CHRNA3: variants seen among roughly 807,000 people sequenced by gnomAD.
CHRNA3 encodes cholinergic receptor nicotinic alpha 3 subunit, also known as neuronal acetylcholine receptor subunit alpha-3.
CHRNA3 carries 34 observed loss-of-function variants against 41.9 expected under a neutral mutation model. The ratio of observed to expected loss-of-function variants is 0.81; its 90% CI spans 0.62 to 1.08. CHRNA3 has a LOEUF of 1.08. Ranked by LOEUF, CHRNA3 falls within the 50% of genes least tolerant of loss-of-function variation. The pLI is 0.00. For missense variants in CHRNA3, 542 were observed against 638.3 expected (o/e 0.85, Z 1.63); for synonymous variants, 281 against 265.2 (o/e 1.06, Z -0.58).
intron 4 of CHRNA3, among the ~76,000 whole-genome samples, chr15:78,610,898 G>A (rs572300760): frequency 5.7e-4 from 86 of 152,212 alleles, no homozygotes; most frequent in East Asian, 1.4e-3. Context: ...TATCACCACC[G>A]ATCCCACAGA....
At chr15:78,616,091 T>TA (rs2053457033) in intron 4 of CHRNA3, among the ~76,000 whole-genome samples, 1 of 188 alleles carries the variant, frequency 5.3e-3, no homozygotes, top group Non-Finnish European at 0.011. Flanking sequence ...TGGTGGCTCA[T>TA]GCTGTAATCC....
intron 5 of CHRNA3, among the ~76,000 whole-genome samples, chr15:78,599,107 T>C (rs12911602): frequency 0.39 from 58,851 of 151,806 alleles, 11,760 homozygotes; most frequent in Non-Finnish European, 0.42. Flanking sequence ...CCCAAAGTGT[T>C]GGGATTACAG....
chr15:78,600,540 TTACTC>T (rs149799431), intron 5 of CHRNA3, among the ~76,000 whole-genome samples: 4,131 of 152,266 alleles, frequency 0.027, 75 homozygotes, highest in Non-Finnish European at 0.043. Context: ...GGTGTGCACT[TTACTC>T]CACGTAAATT....
downstream of CHRNA3, chr15:78,594,179 TCTGTAGCTTAGCTTCCA>T (rs1467407334): frequency 6.6e-6 from 1 of 152,254 alleles, no homozygotes; most frequent in African/African-American, 2.4e-5. Flanking sequence ...GTTAACTATT[TCTGTAGCTTAGCTTCCA>T]CTGTAAAGTC....
chr15:78,602,324 G>A, intron 4 of CHRNA3, 60 bp from the exon 5 acceptor site: 1 of 1,534,296 alleles, frequency 6.5e-7, no homozygotes, highest in Non-Finnish European at 8.8e-7. Context: ...TCATATTGTG[G>A]TCATCTCAAC....
chr15:78,604,410 A>C (rs2053251687), intron 4 of CHRNA3, among the ~76,000 whole-genome samples: 1 of 152,184 alleles, frequency 6.6e-6, no homozygotes, highest in Non-Finnish European at 1.5e-5. Flanking sequence ...GCCATTCAGA[A>C]CTTGGGTCCC....
chr15:78,595,277 TTTGACTTA>T, downstream of CHRNA3: 1 of 984,796 alleles, frequency 1.0e-6, no homozygotes, highest in Non-Finnish European at 1.2e-6. Context: ...ACATCTTTCT[TTTGACTTA>T]TTGAAACATG....
At chr15:78,615,558 C>T (rs2053448437) in intron 4 of CHRNA3, among the ~76,000 whole-genome samples, 2 of 152,118 alleles carry the variant, frequency 1.3e-5, no homozygotes, top group South Asian at 4.1e-4. Context: ...GGTCACACAG[C>T]CCCCAGGACA....
chr15:78,601,073 G>A lies in CHRNA3; in HGVS notation c.1389+180C>T, dbSNP rs550928892. Among the ~76,000 whole-genome samples the A allele has an allele frequency of 3.9e-5, 6 of 152,036 alleles. No individual in the cohort carries two copies. The South Asian group carries it at 1.0e-3, about 26-fold the overall frequency. Reference sequence around the variant, plus strand: ...AGCTTTATCATCCCATTTTACAGAAGAGAAAACAGGCTCAGAGAGGTGAGG... The same window carrying A: ...AGCTTTATCATCCCATTTTACAGAAAAGAAAACAGGCTCAGAGAGGTGAGG... On this transcript the variant is annotated intron_variant, in intron 5 of 5. Transcript: ENST00000326828.
At chr15:78,610,419 A>G (rs1596079583) in intron 4 of CHRNA3, among the ~76,000 whole-genome samples, 1 of 152,152 alleles carries the variant, frequency 6.6e-6, no homozygotes. Context: ...GGATTAAGAA[A>G]CTCACTCAAA....
At chr15:78,607,405 T>C (rs1178703651) in intron 4 of CHRNA3, 1 of 149,528 alleles carries the variant, frequency 6.7e-6, no homozygotes, top group Non-Finnish European at 1.5e-5. Context: ...GAAAACAAAA[T>C]ATCACAGGAG....
chr15:78,596,559 G>C lies in CHRNA3; in HGVS notation c.*45C>G, dbSNP rs2079521796. Reference sequence around the variant, plus strand: ...TCTTACTAGGAAGCAGCCTCCTCCTGCCCTGACACAAGGAAGTCTCCCAGG... The same window carrying C: ...TCTTACTAGGAAGCAGCCTCCTCCTCCCCTGACACAAGGAAGTCTCCCAGG... On this transcript the variant is annotated 3_prime_UTR_variant, in exon 6 of 6. Coordinates refer to ENST00000326828, the MANE Select transcript of CHRNA3 (RefSeq NM_000743.5). 6.9e-7 allele frequency: 1 copy of C among 1,456,066 alleles called. No individual in the cohort carries two copies. Among genetic ancestry groups the C allele is most frequent in the South Asian group, 1.6e-5 (1 of 63,226 alleles). The allele number at this position is 1,456,066 out of a possible 1,614,324, so 90.2% of individuals were successfully genotyped here.
intron 4 of CHRNA3, among the ~76,000 whole-genome samples, chr15:78,611,048 A>G (rs2053372278): frequency 2.0e-5 from 3 of 152,156 alleles, no homozygotes; most frequent in Admixed American, 2.0e-4. Flanking sequence ...GAATAGACCA[A>G]TAACAGGAGC....
Position 78,595,899 on chromosome 15 carries a change from G to T in CHRNA3, c.*705C>A. The T allele has an allele frequency of 5.5e-6, 1 of 181,894 alleles. No individual in the cohort carries two copies. Among genetic ancestry groups the T allele is most frequent in the Non-Finnish European group, 1.0e-5 (1 of 100,490 alleles). 11.3% of individuals were successfully genotyped at this position (181,894 alleles called of 1,614,324 possible). A position where few individuals can be genotyped will look rare whatever the true frequency, so the allele number is the denominator to read the frequency against. ...AGGACACAGCTAGAAGGCACCCTTT[G>T]AGGAAGAGGACCCTCACCAGACACC... On this transcript the variant is annotated 3_prime_UTR_variant, in exon 6 of 6. Transcript: ENST00000326828.
chr15:78,618,895 C>G lies in CHRNA3; in HGVS notation c.103G>C (p.Glu35Gln), dbSNP rs528579731. 2.5e-6 allele frequency: 4 copies of G among 1,613,502 alleles called. No homozygotes were observed. The highest frequency in any genetic ancestry group is 3.4e-6 in the Non-Finnish European group (4 of 1,179,964). ...LLPVARASEA[E>Q]HRLFERLFED... ...AACAGCCGCTCAAATAGACGGTGCT[C>G]AGCCTCTGAGGCCCTGGCCACTGTG... The change falls in exon 2 of 6, where the codon GAG becomes CAG. Residue 35 changes from glutamate (E) to glutamine (Q), a missense_variant. Transcript: ENST00000326828.
At chr15:78,616,980 C>A in intron 4 of CHRNA3, 44 bp downstream of exon 4, 1 of 1,431,132 alleles carries the variant, frequency 7.0e-7, no homozygotes, top group Non-Finnish European at 9.7e-7. Flanking sequence ...ACCCAGAGCC[C>A]AGGCTGACAG....
chr15:78,612,777 C>G (rs2053399393), intron 4 of CHRNA3, among the ~76,000 whole-genome samples: 1 of 140,666 alleles, frequency 7.1e-6, no homozygotes, highest in African/African-American at 2.8e-5. Flanking sequence ...TCAGAGTGAA[C>G]AGGCAACCTA....
chr15:78,620,726 C>G lies in CHRNA3; in HGVS notation c.69G>C (p.Leu23=), dbSNP rs748471661. The change falls in exon 1 of 6, where the codon CTG becomes CTC. Residue 23 remains leucine (L), a synonymous_variant. Coordinates refer to ENST00000326828, the MANE Select transcript of CHRNA3 (RefSeq NM_000743.5). ...CTGTGCGCGTACCTGGCAGCAGAGA[C>G]AGCAGCAGCAGCAGCAGCAGCCGCG... is the stretch of plus-strand genomic sequence containing the variant. ...SPPRLLLLLL[L]SLLPVARASE... 6.7e-5 allele frequency: 12 copies of G among 178,402 alleles called. No individual in the cohort carries two copies. In the South Asian group the frequency reaches 1.8e-3, roughly 26 times the overall value. 11.1% of individuals were successfully genotyped at this position (178,402 alleles called of 1,614,324 possible).
At chr15:78,617,228 C>A in intron 3 of CHRNA3, 95 bp from the exon 4 acceptor site, 2 of 742,600 alleles carry the variant, frequency 2.7e-6, no homozygotes, top group South Asian at 1.6e-5. Context: ...ACTCCCCACC[C>A]CTGCTGCATG....
Sources: allele counts gnomAD v4.1 joint callset (sites outside exome capture counted in the v4.1 genomes callset), GRCh38; gene constraint gnomAD v4.1.1; transcripts MANE v1.5; gene names NCBI Gene and HGNC (gene_info 2026-07-23, HGNC 2026-07-21).